The following MAML3 variants were observed in gnomAD, a reference collection of about 807,000 sequenced individuals.
MAML3 encodes the protein mastermind-like protein 3.
Under a neutral mutation model 101.9 loss-of-function variants are expected in MAML3, and 27 were observed. That is an observed-to-expected ratio of 0.27 (90% confidence interval 0.20 to 0.37). MAML3 has a LOEUF of 0.37. Among genes scored for constraint, MAML3 ranks in the 10% least tolerant of loss-of-function variants. MAML3 has a pLI of 1.00. For synonymous variants in MAML3, 501 were observed against 555.9 expected, an observed-to-expected ratio of 0.90 and a Z score of 1.39; for missense variants, 1,316 against 1,444.9, an observed-to-expected ratio of 0.91 and a Z score of 1.45.
chr4:139,725,344 A>G (rs917233178), intron 4 of MAML3, among the ~76,000 whole-genome samples: 1 of 152,224 alleles, frequency 6.6e-6, no homozygotes, highest in African/African-American at 2.4e-5. Context: ...GATGTGGCAC[A>G]AGATTTTTGC....
At chr4:139,880,176 AT>A (rs1732191182) in intron 2 of MAML3, among the ~76,000 whole-genome samples, 1 of 135,190 alleles carries the variant, frequency 7.4e-6, no homozygotes, top group East Asian at 3.0e-4. Context: ...CCATCTCAAA[AT>A]TGAAAAAAAA....
At chr4:140,015,934 C>G (rs558271765) in intron 1 of MAML3, among the ~76,000 whole-genome samples, 15 of 152,094 alleles carry the variant, frequency 9.9e-5, no homozygotes, top group Non-Finnish European at 2.2e-4. Context: ...GCCTGGGCAA[C>G]AGAGCAAGAC....
At chr4:139,752,538 G>T (rs966221858) in intron 2 of MAML3, among the ~76,000 whole-genome samples, 3 of 152,186 alleles carry the variant, frequency 2.0e-5, no homozygotes, top group African/African-American at 7.2e-5. Flanking sequence ...GGATGGCTGG[G>T]AAAGTGGCTG....
rs1729225362 is a variant in MAML3 at position 140,154,074 on chromosome 4, G to A, written c.-747C>T. 5.9e-6 allele frequency: 1 copy of A among 169,110 alleles called. No homozygotes were observed. Among genetic ancestry groups the A allele is most frequent in the Non-Finnish European group, 1.3e-5 (1 of 77,730 alleles). 10.5% of individuals were successfully genotyped at this position (169,110 alleles called of 1,614,324 possible). A position where few individuals can be genotyped will look rare whatever the true frequency, so the allele number is the denominator to read the frequency against. On this transcript the variant is annotated 5_prime_UTR_variant, in exon 1 of 5. Coordinates refer to ENST00000509479, the MANE Select transcript of MAML3 (RefSeq NM_018717.5). ...GCTCGGCTGGGCTGCCGCTGCCGCC[G>A]CTGCTCCTGCCACCATCACAATGAT...
At chr4:139,994,446 C>T (rs568578260) in intron 1 of MAML3, among the ~76,000 whole-genome samples, 2 of 152,214 alleles carry the variant, frequency 1.3e-5, no homozygotes, top group Admixed American at 1.3e-4. Context: ...AGGAGGATTG[C>T]TTGAGGCCAG....
At chr4:139,739,698 TTATG>T (rs1272709845) in intron 2 of MAML3, among the ~76,000 whole-genome samples, 3 of 142,000 alleles carry the variant, frequency 2.1e-5, no homozygotes, top group African/African-American at 5.1e-5. Context: ...TTTTTTTCTT[TTATG>T]TCCTCAGGTG....
At chr4:139,866,101 C>A (rs1731894513) in intron 2 of MAML3, among the ~76,000 whole-genome samples, 1 of 152,204 alleles carries the variant, frequency 6.6e-6, no homozygotes, top group African/African-American at 2.4e-5. Flanking sequence ...TCCAGGGAAC[C>A]CAACCTGCAG....
chr4:139,968,518 T>TCTTA (rs1482863561), intron 1 of MAML3, among the ~76,000 whole-genome samples: 1 of 152,044 alleles, frequency 6.6e-6, no homozygotes, highest in Admixed American at 6.6e-5. Flanking sequence ...GCAAAACCAT[T>TCTTA]CTTACAGTAA....
chr4:140,073,561 G>A (rs1727701430), intron 1 of MAML3, among the ~76,000 whole-genome samples: 1 of 152,120 alleles, frequency 6.6e-6, no homozygotes, highest in South Asian at 2.1e-4. Context: ...CTGGCTGTGA[G>A]GTATTGTGCC....
chr4:139,802,953 T>A (rs1578608766), intron 2 of MAML3, among the ~76,000 whole-genome samples: 1 of 152,238 alleles, frequency 6.6e-6, no homozygotes, highest in Admixed American at 6.5e-5. Flanking sequence ...TTTTACTCTA[T>A]AGCAAACAGT....
intron 2 of MAML3, among the ~76,000 whole-genome samples, chr4:139,813,719 A>ATC (rs1017998500): frequency 1.4e-4 from 22 of 152,198 alleles, no homozygotes; most frequent in African/African-American, 5.3e-4. Context: ...TCCCCACAGG[A>ATC]TCAAGGTGAA....
intron 1 of MAML3, among the ~76,000 whole-genome samples, chr4:139,975,379 C>T (rs976344547): frequency 6.6e-6 from 1 of 152,164 alleles, no homozygotes; most frequent in Admixed American, 6.5e-5. Context: ...CCTTCCCTAT[C>T]ACCGTATCTA....
At chr4:139,945,107 C>G (rs918705017) in intron 1 of MAML3, among the ~76,000 whole-genome samples, 7 of 152,346 alleles carry the variant, frequency 4.6e-5, no homozygotes, top group Non-Finnish European at 1.0e-4. Context: ...CCCTAACCCT[C>G]CAAGGCAGTT....
chr4:139,874,807 T>TA (rs1732077522), intron 2 of MAML3, among the ~76,000 whole-genome samples: 1 of 147,524 alleles, frequency 6.8e-6, no homozygotes, highest in Admixed American at 6.8e-5. Flanking sequence ...TATCTTTCCT[T>TA]TTTTTTTTTT....
At chr4:140,130,100 C>T (rs550026487) in intron 1 of MAML3, among the ~76,000 whole-genome samples, 5 of 152,192 alleles carry the variant, frequency 3.3e-5, no homozygotes, top group East Asian at 1.9e-4. Flanking sequence ...AGATAAAAGA[C>T]GGATAAGAAA....
In MAML3 at chr4:139,879,535, AAAAAAG is replaced by A. The variant is rs1437687337; in HGVS notation, c.2079+9816_2079+9821del. ...AGTGAGGCTCTGACTGAAAAAAAAAAAAAAAGAAAAGAAAAGAAAAGAAAAAAGAGA... is the reference window on the plus strand; with the variant it reads ...AGTGAGGCTCTGACTGAAAAAAAAAAAAAAGAAAAGAAAAGAAAAAAGAGA... On this transcript the variant is annotated intron_variant, in intron 2 of 4. Transcript: ENST00000509479. Among the ~76,000 whole-genome samples, 171 of 149,134 alleles carry A rather than the reference AAAAAAG, an allele frequency of 1.1e-3. 1 individual carries two copies. The Middle Eastern group carries it at 0.014, about 12-fold the overall frequency.
At chr4:139,747,872 A>C (rs1181329028) in intron 2 of MAML3, among the ~76,000 whole-genome samples, 1 of 150,676 alleles carries the variant, frequency 6.6e-6, no homozygotes, top group African/African-American at 2.4e-5. Flanking sequence ...TGATCGATAC[A>C]GTGAAACCCC....
intron 2 of MAML3, among the ~76,000 whole-genome samples, chr4:139,858,265 A>G (rs1221161388): frequency 6.6e-6 from 1 of 152,176 alleles, no homozygotes; most frequent in Non-Finnish European, 1.5e-5. Context: ...TTTTGATTTG[A>G]TAGATTTTGA....
rs202006731 is a variant in MAML3, at chr4:139,778,898, G to A, written c.2080-48231C>T. ...CTTGGGAGGCTGAGGCAGGAGAATC[G>A]CTTGAACCCAGGAGGTGGAGGTTGC... On this transcript the variant is annotated intron_variant, in intron 2 of 4. Transcript: ENST00000509479. Among the ~76,000 whole-genome samples, 68 of 151,228 alleles carry A rather than the reference G, an allele frequency of 4.5e-4. No individual in the cohort carries two copies. The South Asian group carries it at 0.013, about 28-fold the overall frequency.
Sources: allele counts gnomAD v4.1 joint callset (sites outside exome capture counted in the v4.1 genomes callset), GRCh38; gene constraint gnomAD v4.1.1; transcripts MANE v1.5; gene names NCBI Gene and HGNC (gene_info 2026-07-23, HGNC 2026-07-21).